The following GRIK3 variants were observed in gnomAD, a reference collection of about 807,000 sequenced individuals.
GRIK3 encodes the protein glutamate receptor ionotropic, kainate 3.
Under a neutral mutation model 102.5 loss-of-function variants are expected in GRIK3, and 29 were observed. The ratio of observed to expected loss-of-function variants is 0.28; its 90% CI spans 0.21 to 0.39. The LOEUF (loss-of-function observed/expected upper bound fraction) is 0.39. Among genes scored for constraint, GRIK3 ranks in the 10% least tolerant of loss-of-function variants. The pLI is 1.00. For synonymous variants in GRIK3, 511 were observed against 504.9 expected, an observed-to-expected ratio of 1.01 and a Z score of -0.16; for missense variants, 908 against 1,252.4, an observed-to-expected ratio of 0.73 and a Z score of 4.15.
At chr1:36,937,690 GA>G (rs890996465) in intron 1 of GRIK3, among the ~76,000 whole-genome samples, 10 of 150,084 alleles carry the variant, frequency 6.7e-5, no homozygotes, top group African/African-American at 1.7e-4. Context: ...AGACTCAAAA[GA>G]AAAAAAAAGA....
intron 1 of GRIK3, among the ~76,000 whole-genome samples, chr1:37,029,681 G>C (rs1011587710): frequency 6.6e-6 from 1 of 152,270 alleles, no homozygotes; most frequent in African/African-American, 2.4e-5. Context: ...CCCCCATGGA[G>C]GGGACTGTTT....
intron 1 of GRIK3, among the ~76,000 whole-genome samples, chr1:36,917,621 C>A (rs1198225459): frequency 1.3e-5 from 2 of 152,220 alleles, no homozygotes; most frequent in Non-Finnish European, 2.9e-5. Context: ...CACAAGCTCT[C>A]TTCTCTTGTC....
At chr1:36,891,757 G>A (rs1641119300) in intron 1 of GRIK3, among the ~76,000 whole-genome samples, 1 of 152,198 alleles carries the variant, frequency 6.6e-6, no homozygotes, top group East Asian at 1.9e-4. Flanking sequence ...ATAATTTAGA[G>A]CCACAACATT....
intron 14 of GRIK3, 43 bp from the exon 15 acceptor site, chr1:36,805,280 CCCATTCTGTGTTTGG>C: frequency 1.3e-6 from 2 of 1,563,936 alleles, no homozygotes; most frequent in Non-Finnish European, 1.7e-6. Flanking sequence ...TGGCGTGTGG[CCCATTCTGTGTTTGG>C]CTCTGCCAAC....
At chr1:37,006,016 G>T (rs516139) in intron 1 of GRIK3, among the ~76,000 whole-genome samples, 3 of 151,596 alleles carry the variant, frequency 2.0e-5, no homozygotes, top group Non-Finnish European at 4.4e-5. Flanking sequence ...GCCTGAAAGG[G>T]GATAAGGCCC....
intron 11 of GRIK3, among the ~76,000 whole-genome samples, chr1:36,823,520 A>G (rs1180343745): frequency 6.6e-6 from 1 of 151,408 alleles, no homozygotes; most frequent in African/African-American, 2.4e-5. Context: ...GTGGCCACAC[A>G]GAAAAACCGT....
chr1:36,847,642 A>G (rs979918257), intron 9 of GRIK3, among the ~76,000 whole-genome samples: 2 of 152,228 alleles, frequency 1.3e-5, no homozygotes, highest in African/African-American at 4.8e-5. Flanking sequence ...GTGCCACTTA[A>G]TTAATCATTC....
chr1:36,924,747 C>T (rs1195473636), intron 1 of GRIK3, among the ~76,000 whole-genome samples: 2 of 152,228 alleles, frequency 1.3e-5, no homozygotes, highest in African/African-American at 2.4e-5. Flanking sequence ...GCTCTGCCAA[C>T]TGTGCTCCCC....
At chr1:36,815,071 T>C (rs1327973489) in intron 13 of GRIK3, among the ~76,000 whole-genome samples, 1 of 152,238 alleles carries the variant, frequency 6.6e-6, no homozygotes, top group Non-Finnish European at 1.5e-5. Flanking sequence ...AAGCCATGCA[T>C]GTATACACAT....
chr1:36,906,830 G>A (rs1446462095), intron 1 of GRIK3, among the ~76,000 whole-genome samples: 1 of 152,198 alleles, frequency 6.6e-6, no homozygotes, highest in Non-Finnish European at 1.5e-5. Context: ...CCTAGTGTTT[G>A]ACAGATCAGT....
At chr1:36,967,415 C>T (rs576178519) in intron 1 of GRIK3, among the ~76,000 whole-genome samples, 1 of 152,342 alleles carries the variant, frequency 6.6e-6, no homozygotes, top group South Asian at 2.1e-4. Flanking sequence ...TCAGGGATCA[C>T]TCTACAGCAT....
chr1:36,803,239 G>A (rs548883548), intron 15 of GRIK3, among the ~76,000 whole-genome samples: 1 of 152,166 alleles, frequency 6.6e-6, no homozygotes, highest in African/African-American at 2.4e-5. Flanking sequence ...CACCCTCTGG[G>A]GGAGGAGCAT....
intron 1 of GRIK3, among the ~76,000 whole-genome samples, chr1:36,986,362 T>C (rs1000852532): frequency 1.3e-5 from 2 of 151,568 alleles, no homozygotes; most frequent in African/African-American, 4.9e-5. Flanking sequence ...CATCCATCCA[T>C]CCGTCAGTCC....
intron 1 of GRIK3, among the ~76,000 whole-genome samples, chr1:36,920,155 TG>T (rs1310093148): frequency 6.6e-6 from 1 of 152,232 alleles, no homozygotes; most frequent in East Asian, 1.9e-4. Context: ...GAGCTCATCT[TG>T]CCCTGTCTGG....
At position 36,861,286 on chromosome 1, in the gene GRIK3, C is replaced by T. The variant is rs1463158381; in HGVS notation, c.787-1269G>A. The stretch of plus-strand genomic sequence containing the variant: ...TATATACTTGCACAGTCTAGATTGG[C>T]CCTATCCCACTAGTGGGGAAACTGA... On this transcript the variant is annotated intron_variant, in intron 5 of 15. Transcript: ENST00000373091. Among the ~76,000 whole-genome samples, 6 of 152,206 alleles carry T rather than the reference C, an allele frequency of 3.9e-5. No individual in the cohort carries two copies. In the East Asian group the frequency reaches 9.6e-4, roughly 24 times the overall value.
chr1:36,935,105 A>G (rs906987965), intron 1 of GRIK3, among the ~76,000 whole-genome samples: 14 of 152,204 alleles, frequency 9.2e-5, no homozygotes, highest in African/African-American at 2.9e-4. Context: ...ACTTAGGTAT[A>G]CTTGTTCAGC....
rs777322880 is a variant in GRIK3, at chr1:36,941,879, C to A, written c.116-50783G>T. On this transcript the variant is annotated intron_variant, in intron 1 of 15. Coordinates refer to ENST00000373091, the MANE Select transcript of GRIK3 (RefSeq NM_000831.4). Reference sequence around the variant, plus strand: ...GCAATATAAGCCCTTCCAAGGAAAGCGAGTTCAAGCTCAGAATCCTGGAGA... The same window carrying A: ...GCAATATAAGCCCTTCCAAGGAAAGAGAGTTCAAGCTCAGAATCCTGGAGA... 5.3e-5 allele frequency among the ~76,000 whole-genome samples: 8 copies of A among 152,304 alleles called. No individual in the cohort carries two copies. In the East Asian group the frequency reaches 1.5e-3, roughly 29 times the overall value.
chr1:36,897,150 C>G (rs1052354978), intron 1 of GRIK3, among the ~76,000 whole-genome samples: 1 of 152,114 alleles, frequency 6.6e-6, no homozygotes, highest in African/African-American at 2.4e-5. Flanking sequence ...CTATCCAGAG[C>G]AGTTAGGCAA....
chr1:37,033,115 C>A (rs1486583572), intron 1 of GRIK3, among the ~76,000 whole-genome samples: 21 of 152,208 alleles, frequency 1.4e-4, no homozygotes, highest in African/African-American at 2.4e-5. Flanking sequence ...CCGGGACATG[C>A]GCGGCGCTCA....
Sources: gnomAD v4.1 joint callset for allele counts (sites outside exome capture counted in the v4.1 genomes callset) on GRCh38, gnomAD v4.1.1 for gene constraint, MANE v1.5 for transcripts, NCBI Gene and HGNC (gene_info 2026-07-23, HGNC 2026-07-21) for gene names.